Variants in GRM7 observed in about 807,000 individuals in gnomAD.
The protein encoded by GRM7 is metabotropic glutamate receptor 7.
A neutral mutation model predicts 84.5 loss-of-function variants in GRM7; 35 were observed. The observed-to-expected ratio is 0.41, with a 90% CI of 0.32 to 0.55. The LOEUF is 0.55. Ranked by LOEUF, GRM7 falls within the 20% of genes least tolerant of loss-of-function variation. The probability of loss-of-function intolerance (pLI) is 0.19; values close to 1 mark genes in which losing one functional copy is unlikely to be tolerated. For missense variants in GRM7, 1,003 were observed against 1,194.6 expected, an observed-to-expected ratio of 0.84 and a Z score of 2.36; for synonymous variants, 487 against 455.1, an observed-to-expected ratio of 1.07 and a Z score of -0.89.
At chr3:7,679,970 C>G in intron 8 of GRM7, 79 bp from the exon 9 acceptor site, 1 of 1,357,802 alleles carries the variant, frequency 7.4e-7, no homozygotes, top group East Asian at 2.3e-5. Context: ...CATAGTCGTT[C>G]TTGACATCGC....
intron 7 of GRM7, among the ~76,000 whole-genome samples, chr3:7,493,170 T>C (rs769382362): frequency 9.2e-5 from 14 of 152,122 alleles, no homozygotes; most frequent in Non-Finnish European, 1.5e-4. Context: ...ATTCTGTATA[T>C]GTCAATTACA....
chr3:7,494,553 T>G (rs1172281132), intron 7 of GRM7, among the ~76,000 whole-genome samples: 2 of 152,182 alleles, frequency 1.3e-5, no homozygotes, highest in African/African-American at 4.8e-5. Flanking sequence ...TTAGCTTCAC[T>G]CTCTTTCTCT....
chr3:7,654,241 T>C (rs1229057632), intron 8 of GRM7, among the ~76,000 whole-genome samples: 1 of 152,174 alleles, frequency 6.6e-6, no homozygotes, highest in Non-Finnish European at 1.5e-5. Context: ...ATTGATACTG[T>C]GAAAATGCCA....
intron 8 of GRM7, among the ~76,000 whole-genome samples, chr3:7,595,690 A>G (rs982195747): frequency 3.9e-5 from 6 of 152,156 alleles, no homozygotes; most frequent in Non-Finnish European, 7.4e-5. Context: ...AGTCATGAAT[A>G]TAACTGGGGG....
At chr3:7,646,428 A>G (rs1028349351) in intron 8 of GRM7, among the ~76,000 whole-genome samples, 179 of 152,074 alleles carry the variant, frequency 1.2e-3, no homozygotes, top group Middle Eastern at 3.4e-3. Context: ...TCCTGACCTG[A>G]TGATCCACCT....
chr3:7,694,228 T>C lies in GRM7; in HGVS notation c.2698+13933T>C, dbSNP rs73123712. 1,362 of 152,628 alleles carry C rather than the reference T, an allele frequency of 8.9e-3. 20 individuals carry two copies. Among genetic ancestry groups the C allele is most frequent in the African/African-American group, 0.031 (1,282 of 41,564 alleles). The allele number at this position is 152,628 out of a possible 1,614,324, so 9.5% of individuals were successfully genotyped here. A position where few individuals can be genotyped will look rare whatever the true frequency, so the allele number is the denominator to read the frequency against. On this transcript the variant is annotated intron_variant, in intron 9 of 9. Coordinates refer to ENST00000357716, the MANE Select transcript of GRM7 (RefSeq NM_000844.4). ...CTCATCTGCAAAATAGAACCTCATA[T>C]GGTAGTAGTGAGAAATAAATAAAGG... is the stretch of plus-strand genomic sequence containing the variant.
At chr3:7,649,339 G>A (rs1559463794) in intron 8 of GRM7, among the ~76,000 whole-genome samples, 1 of 152,038 alleles carries the variant, frequency 6.6e-6, no homozygotes. Flanking sequence ...AAAGTGCTGG[G>A]ATTACAGCAA....
In GRM7 at chr3:7,415,005, T is replaced by C. The variant is rs1242643178; in HGVS notation, c.1034-18T>C. 6.3e-7 allele frequency: 1 copy of C among 1,597,750 alleles called. No homozygotes were observed. Among genetic ancestry groups the C allele is most frequent in the South Asian group, 1.1e-5 (1 of 88,828 alleles). ...CAGTGCCCCGCAAGCAATGACCTTT[T>C]CATTTAACTCTGTTTAGGGTTTGAT... is the stretch of plus-strand genomic sequence containing the variant. On this transcript the variant is annotated intron_variant, in intron 4 of 9. Coordinates refer to ENST00000357716, the MANE Select transcript of GRM7 (RefSeq NM_000844.4).
chr3:7,521,435 T>C (rs937126633), intron 7 of GRM7, among the ~76,000 whole-genome samples: 2 of 152,156 alleles, frequency 1.3e-5, no homozygotes, highest in African/African-American at 4.8e-5. Context: ...TTAGTGCCCT[T>C]AGAAAAGAGA....
At chr3:7,046,549 T>C (rs1696814018) in intron 1 of GRM7, among the ~76,000 whole-genome samples, 1 of 152,130 alleles carries the variant, frequency 6.6e-6, no homozygotes, top group Non-Finnish European at 1.5e-5. Flanking sequence ...CAGCCAGTTG[T>C]GTTGTATTTT....
In GRM7 at chr3:7,204,247, G is replaced by T. The variant is rs150814712; in HGVS notation, c.736+57579G>T. ...AATGGTTGTGGGAAATCTAGGCCTC[G>T]TGTCAGTATTTAAAGTTCAGAGGAG... On this transcript the variant is annotated intron_variant, in intron 2 of 9. Transcript: ENST00000357716. 5.3e-5 allele frequency among the ~76,000 whole-genome samples: 8 copies of T among 152,290 alleles called. 1 individual carries two copies. The highest frequency in any genetic ancestry group is 2.0e-4 in the Admixed American group (3 of 15,290).
chr3:6,887,593 G>A (rs541351917), intron 1 of GRM7, among the ~76,000 whole-genome samples: 1 of 152,218 alleles, frequency 6.6e-6, no homozygotes, highest in Non-Finnish European at 1.5e-5. Context: ...GTATTCCATG[G>A]TGTATATATG....
chr3:6,912,673 T>C (rs188315651), intron 1 of GRM7, among the ~76,000 whole-genome samples: 6 of 152,296 alleles, frequency 3.9e-5, no homozygotes, highest in Admixed American at 1.3e-4. Context: ...AGAGTTCACT[T>C]ATTGGACATA....
At chr3:7,117,383 C>G (rs1693072891) in intron 1 of GRM7, among the ~76,000 whole-genome samples, 1 of 152,202 alleles carries the variant, frequency 6.6e-6, no homozygotes, top group Admixed American at 6.5e-5. Flanking sequence ...ACATTCTAAA[C>G]CAAGACTTTC....
At chr3:7,176,928 C>G (rs368952243) in intron 2 of GRM7, among the ~76,000 whole-genome samples, 3 of 152,178 alleles carry the variant, frequency 2.0e-5, no homozygotes, top group Admixed American at 6.5e-5. Flanking sequence ...TATAAGTTAA[C>G]CTTCATGTGA....
intron 1 of GRM7, among the ~76,000 whole-genome samples, chr3:6,884,843 C>A (rs948151591): frequency 6.6e-6 from 1 of 152,104 alleles, no homozygotes; most frequent in Non-Finnish European, 1.5e-5. Flanking sequence ...CGTGATCCAC[C>A]CACCTCGGCC....
Position 6,884,915 on chromosome 3 carries a change from T to C in GRM7, c.519+23008T>C, listed in dbSNP as rs564757993. On this transcript the variant is annotated intron_variant, in intron 1 of 9. Transcript: ENST00000357716. ...GCCCGGCCAGACACAGTTTTCTTCA[T>C]GTGAGGTAGAAATAACACATGCCTT... Among the ~76,000 whole-genome samples the C allele has an allele frequency of 8.5e-5, 13 of 152,258 alleles. No individual in the cohort carries two copies. In the East Asian group the frequency reaches 2.3e-3, roughly 27 times the overall value.
At chr3:7,657,923 C>T (rs1477498998) in intron 8 of GRM7, among the ~76,000 whole-genome samples, 1 of 152,224 alleles carries the variant, frequency 6.6e-6, no homozygotes, top group Non-Finnish European at 1.5e-5. Context: ...CCAGGAATCT[C>T]TCTAAGCAAT....
chr3:7,541,036 A>G (rs1238767529), intron 7 of GRM7, among the ~76,000 whole-genome samples: 1 of 152,336 alleles, frequency 6.6e-6, no homozygotes, highest in African/African-American at 2.4e-5. Context: ...AAAAGTATGT[A>G]TATTTAAAAT....
Sources: gnomAD v4.1 joint callset for allele counts (sites outside exome capture counted in the v4.1 genomes callset) on GRCh38, gnomAD v4.1.1 for gene constraint, MANE v1.5 for transcripts, NCBI Gene and HGNC (gene_info 2026-07-23, HGNC 2026-07-21) for gene names.